Variants in TENM3 observed in about 807,000 individuals in gnomAD.
TENM3 encodes the protein teneurin-3.
TENM3 carries 63 observed loss-of-function variants against 255.1 expected under a neutral mutation model. The observed-to-expected ratio is 0.25, with a 90% CI of 0.20 to 0.30. TENM3 has a LOEUF of 0.30. Ranked by LOEUF, TENM3 falls within the 10% of genes least tolerant of loss-of-function variation. The pLI is 1.00. For synonymous variants in TENM3, 1,306 were observed against 1,322.3 expected, an observed-to-expected ratio of 0.99 and a Z score of 0.27; for missense variants, 2,929 against 3,461.1, an observed-to-expected ratio of 0.85 and a Z score of 3.86.
chr4:182,033,902 A>T, the TENM3 span, among the ~76,000 whole-genome samples: 2 of 152,066 alleles, frequency 1.3e-5, no homozygotes, highest in African/African-American at 4.8e-5. Context: ...ATTTTCCTCT[A>T]TCCCTTTCTT....
chr4:182,065,648 A>G, the TENM3 span, among the ~76,000 whole-genome samples: 47 of 152,178 alleles, frequency 3.1e-4, 2 homozygotes, highest in African/African-American at 1.1e-3. Context: ...ATTCGACCTG[A>G]GATTTGGGCA....
intron 3 of TENM3, among the ~76,000 whole-genome samples, chr4:182,574,660 T>G (rs909508083): frequency 6.6e-6 from 1 of 152,158 alleles, no homozygotes; most frequent in Non-Finnish European, 1.5e-5. Context: ...CAAATCACCT[T>G]CTAATACACC....
the TENM3 span, among the ~76,000 whole-genome samples, chr4:181,619,840 G>A: frequency 1.2e-4 from 19 of 152,176 alleles, no homozygotes; most frequent in East Asian, 3.9e-4. Flanking sequence ...CCAGGCTCCC[G>A]GAGCAGGTGT....
intron 1 of TENM3, among the ~76,000 whole-genome samples, chr4:182,161,415 C>CA (rs70954290): frequency 0.07 from 3,056 of 43,788 alleles, 101 homozygotes; most frequent in Middle Eastern, 0.097. Flanking sequence ...GACTCCGTCT[C>CA]AAAAAAAAAA....
the TENM3 span, among the ~76,000 whole-genome samples, chr4:181,873,073 T>C: frequency 6.6e-6 from 1 of 152,100 alleles, no homozygotes; most frequent in African/African-American, 2.4e-5. Flanking sequence ...CTAATATAAG[T>C]ATTTTTTTTT....
At chr4:181,919,872 A>C in the TENM3 span, among the ~76,000 whole-genome samples, 2 of 130,942 alleles carry the variant, frequency 1.5e-5, no homozygotes, top group African/African-American at 5.7e-5. Flanking sequence ...TCCTAATGCT[A>C]TCCCTCCCCC....
chr4:182,650,022 C>A (rs562879116), intron 5 of TENM3, among the ~76,000 whole-genome samples: 1 of 150,732 alleles, frequency 6.6e-6, no homozygotes, highest in African/African-American at 2.4e-5. Context: ...AAACTCTCAA[C>A]TAATCTCCAC....
the TENM3 span, among the ~76,000 whole-genome samples, chr4:181,759,760 G>A: frequency 6.7e-6 from 1 of 149,174 alleles, no homozygotes; most frequent in Admixed American, 6.7e-5. Context: ...GTGTGTGTGT[G>A]TATGCATGTG....
chr4:182,158,391 C>G (rs1443508335), intron 1 of TENM3, among the ~76,000 whole-genome samples: 1 of 151,882 alleles, frequency 6.6e-6, no homozygotes, highest in Admixed American at 6.6e-5. Context: ...CTGCGGAGAT[C>G]TGCATGGATT....
chr4:181,915,154 G>A, the TENM3 span, among the ~76,000 whole-genome samples: 1 of 152,116 alleles, frequency 6.6e-6, no homozygotes, highest in Non-Finnish European at 1.5e-5. Context: ...ATGACTTAGA[G>A]TGCGTCTGGG....
the TENM3 span, among the ~76,000 whole-genome samples, chr4:182,080,683 A>G: frequency 6.6e-6 from 1 of 152,192 alleles, no homozygotes; most frequent in Non-Finnish European, 1.5e-5. Flanking sequence ...TCGTGTAATG[A>G]CAGAACATTC....
chr4:182,444,044 G>C (rs1772713127), intron 3 of TENM3, among the ~76,000 whole-genome samples: 1 of 152,106 alleles, frequency 6.6e-6, no homozygotes, highest in African/African-American at 2.4e-5. Context: ...TTTTTCCATA[G>C]GGTAAATCAA....
intron 8 of TENM3, 107 bp downstream of exon 8, chr4:182,679,983 A>C: frequency 1.0e-6 from 1 of 970,220 alleles, no homozygotes; most frequent in Non-Finnish European, 1.5e-6. Flanking sequence ...AGGGTGTTAA[A>C]GCCCAGGTAA....
chr4:182,341,913 C>T lies in TENM3; in HGVS notation c.233-4738C>T, dbSNP rs544580428. ...CCCTCTAAATTTCAATACCAATGAC[C>T]TATATTTTAAGCCCTCATTGCGAAC... On this transcript the variant is annotated intron_variant, in intron 2 of 27. Transcript: ENST00000511685. Among the ~76,000 whole-genome samples, 250 of 152,266 alleles carry T rather than the reference C, an allele frequency of 1.6e-3. 1 individual carries two copies. The highest frequency in any genetic ancestry group is 6.0e-3 in the African/African-American group (248 of 41,550).
chr4:181,757,725 C>T, the TENM3 span, among the ~76,000 whole-genome samples: 4 of 152,112 alleles, frequency 2.6e-5, no homozygotes. Context: ...AACAGTCTAC[C>T]CATACTTGTG....
At chr4:182,181,052 A>G (rs1752809800) in intron 1 of TENM3, among the ~76,000 whole-genome samples, 1 of 152,092 alleles carries the variant, frequency 6.6e-6, no homozygotes, top group South Asian at 2.1e-4. Context: ...TACTAGAGAT[A>G]ACCTAGTTTT....
rs546796474 is a variant in TENM3 at position 182,509,489 on chromosome 4, G to T, written c.512-91435G>T. On this transcript the variant is annotated intron_variant, in intron 3 of 27. Coordinates refer to ENST00000511685, the MANE Select transcript of TENM3 (RefSeq NM_001080477.4). Reference sequence around the variant, plus strand: ...AAATCACTGAGAATATTATTTCCTAGTTTTCTGGAATATTAGAAGGACAAT... The same window carrying T: ...AAATCACTGAGAATATTATTTCCTATTTTTCTGGAATATTAGAAGGACAAT... Among the ~76,000 whole-genome samples the T allele has an allele frequency of 2.6e-5, 4 of 152,118 alleles. No individual in the cohort carries two copies. In the East Asian group the frequency reaches 7.7e-4, roughly 29 times the overall value.
chr4:182,504,077 G>C (rs1736580657), intron 3 of TENM3, among the ~76,000 whole-genome samples: 1 of 151,906 alleles, frequency 6.6e-6, no homozygotes, highest in Non-Finnish European at 1.5e-5. Flanking sequence ...CACAAGCCCA[G>C]AGATGTTGGT....
chr4:182,034,468 C>T, the TENM3 span, among the ~76,000 whole-genome samples: 126 of 152,200 alleles, frequency 8.3e-4, no homozygotes, highest in African/African-American at 2.9e-3. Context: ...GATGTAGTTG[C>T]TTCATAGTGT....
Sources: gnomAD v4.1 joint callset for allele counts (sites outside exome capture counted in the v4.1 genomes callset) on GRCh38, gnomAD v4.1.1 for gene constraint, MANE v1.5 for transcripts, NCBI Gene and HGNC (gene_info 2026-07-23, HGNC 2026-07-21) for gene names.